HPX: variants seen among roughly 807,000 people sequenced by gnomAD.
HPX encodes the protein beta-1B-glycoprotein.
HPX carries 42 observed loss-of-function variants against 53.8 expected under a neutral mutation model. That is an observed-to-expected ratio of 0.78 (90% CI 0.61 to 1.01). HPX has a LOEUF of 1.01. Among genes scored for constraint, HPX ranks in the 50% least tolerant of loss-of-function variants. The pLI is 0.00. For synonymous variants in HPX, 229 were observed against 221.1 expected, an observed-to-expected ratio of 1.04 and a Z score of -0.32; for missense variants, 547 against 594.3, an observed-to-expected ratio of 0.92 and a Z score of 0.83.
rs1590803040 is a variant in HPX at position 6,431,953 on chromosome 11, C to G, written c.900G>C (p.Gln300His). 1.9e-6 allele frequency: 3 copies of G among 1,614,206 alleles called. No individual in the cohort carries two copies. The South Asian group carries it at 3.3e-5, about 18-fold the overall frequency. The stretch of plus-strand genomic sequence containing the variant: ...CCACTGCTGAAGGACCCTGGGGCCA[C>G]TGATGAGCAATGGGCCAGCTATGCC... ...DGWHSWPIAH[Q>H]WPQGPSAVDA... is the part of the protein sequence containing the mutation. Residue 300 changes from glutamine (Q) to histidine (H), a missense_variant, in exon 8 of 10, where the codon CAG (glutamine) becomes CAC (histidine). Gln to His is a conservative substitution (Grantham distance 24). Transcript: ENST00000265983.
At chr11:6,436,448 G>A (rs1291226812) in intron 7 of HPX, among the ~76,000 whole-genome samples, 1 of 152,162 alleles carries the variant, frequency 6.6e-6, no homozygotes, top group Non-Finnish European at 1.5e-5. Context: ...ACGGGTCAAG[G>A]GAGGGGTATC....
intron 5 of HPX, 112 bp from the exon 6 acceptor site, chr11:6,437,764 A>G: frequency 1.3e-6 from 1 of 762,486 alleles, no homozygotes; most frequent in Admixed American, 2.1e-5. Flanking sequence ...TGGAGCTCAC[A>G]GCCATCAGAG....
rs1006029203 is a variant in HPX at position 6,431,571 on chromosome 11, C to T, written c.1129+70G>A. ...GATCCTGACCTAGGCCTTCTCATGCCCTGGTGGGGATCTATGCCACAGACA... is the reference window on the plus strand; with the variant it reads ...GATCCTGACCTAGGCCTTCTCATGCTCTGGTGGGGATCTATGCCACAGACA... On this transcript the variant is annotated intron_variant, in intron 9 of 9. Transcript: ENST00000265983. The T allele has an allele frequency of 7.5e-6, 12 of 1,607,170 alleles. No homozygotes were observed. In the South Asian group the frequency reaches 1.2e-4, roughly 16 times the overall value.
At position 6,437,660 on chromosome 11, in the gene HPX, C is replaced by T. The variant is rs1423736808; in HGVS notation, c.491-8G>A. ...AGAACCACTCGCGGTCACCTTTGTC[C>T]AATCAATCAACAGGCATTTGGTGAG... On this transcript the variant is annotated splice_polypyrimidine_tract_variant and splice_region_variant and intron_variant, in intron 5 of 9. Coordinates refer to ENST00000265983, the MANE Select transcript of HPX (RefSeq NM_000613.3). 1.2e-6 allele frequency: 2 copies of T among 1,612,622 alleles called. No individual in the cohort carries two copies. Among genetic ancestry groups the T allele is most frequent in the African/African-American group, 2.7e-5 (2 of 75,024 alleles).
rs376910405 is a variant in HPX, at chr11:6,437,652, C to A, written c.491G>T (p.Gly164Val). The change falls in exon 6 of 10, where the codon GGT (glycine) becomes GTT (valine). Residue 164 changes from glycine (G) to valine (V), a missense_variant and splice_region_variant. Transcript: ENST00000265983. ...CAAGTCCCAGAACCACTCGCGGTCA[C>A]CTTTGTCCAATCAATCAACAGGCAT... Reference protein sequence around the residue: ...CQAEGVLFFQGDREWFWDLAT... With the variant: ...CQAEGVLFFQVDREWFWDLAT... 5 of 1,613,586 alleles carry A rather than the reference C, an allele frequency of 3.1e-6. No homozygotes were observed. In the African/African-American group the frequency reaches 6.7e-5, roughly 22 times the overall value.
rs1849432576 is a variant in HPX, at chr11:6,437,608, CCTT to C, written c.532_534del (p.Lys178del). 1.2e-6 allele frequency: 2 copies of C among 1,614,082 alleles called. No homozygotes were observed. The highest frequency in any genetic ancestry group is 2.7e-5 in the African/African-American group (2 of 74,928). Reference sequence around the variant, plus strand: ...TTCCCAACAGCTGGCCAGGAACGCTCCTTCATGGTTCCCGTAGCCAAGTCCCAG... The same window carrying C: ...TTCCCAACAGCTGGCCAGGAACGCTCCATGGTTCCCGTAGCCAAGTCCCAG... On this transcript the variant is annotated inframe_deletion, in exon 6 of 10. Coordinates refer to ENST00000265983, the MANE Select transcript of HPX (RefSeq NM_000613.3).
At chr11:6,433,140 G>A (rs543946032) in intron 7 of HPX, among the ~76,000 whole-genome samples, 43 of 152,310 alleles carry the variant, frequency 2.8e-4, no homozygotes, top group African/African-American at 9.6e-4. Context: ...CATTCTTGAA[G>A]CCTCTTTTCC....
intron 7 of HPX, among the ~76,000 whole-genome samples, chr11:6,432,649 C>T (rs1849365102): frequency 6.6e-6 from 1 of 152,182 alleles, no homozygotes; most frequent in Non-Finnish European, 1.5e-5. Flanking sequence ...ATTCTCTGTT[C>T]TCATCTGACC....
intron 6 of HPX, 46 bp downstream of exon 6, chr11:6,437,394 A>G: frequency 2.6e-6 from 4 of 1,538,980 alleles, no homozygotes; most frequent in Non-Finnish European, 3.6e-6. Context: ...AAGCTCAGGG[A>G]AAGTGGATGA....
chr11:6,438,459 T>G lies in HPX; in HGVS notation c.387A>C (p.Pro129=). 6.2e-7 allele frequency: 1 copy of G among 1,614,160 alleles called. No homozygotes were observed. The highest frequency in any genetic ancestry group is 8.5e-7 in the Non-Finnish European group (1 of 1,179,960). ...YPPEKKEKGY[P]KLLQDEFPGI... ...CAGGAAATTCATCTTGGAGCAACTT[T>G]GGGTATCCTTTCTCCTTCTTTTCAG... The change falls in exon 5 of 10, where the codon CCA becomes CCC. Residue 129 remains proline (P), a synonymous_variant. Transcript: ENST00000265983.
Position 6,431,352 on chromosome 11 carries a change from G to A in HPX, c.1248C>T (p.Asn416=). The part of the protein sequence containing the change: ...ALCMEKSLGP[N]SCSANGPGLY... ...AGCCGGGACCATTGGCGGAACATGA[G>A]TTAGGGCCAAGGGACTTTTCCATAC... The change falls in exon 10 of 10, where the codon AAC becomes AAT. Residue 416 remains asparagine, a synonymous_variant. Coordinates refer to ENST00000265983, the MANE Select transcript of HPX (RefSeq NM_000613.3). 6.2e-7 allele frequency: 1 copy of A among 1,614,270 alleles called. No homozygotes were observed. The highest frequency in any genetic ancestry group is 8.5e-7 in the Non-Finnish European group (1 of 1,180,052).
At chr11:6,440,567 T>TGA in intron 2 of HPX, 29 bp from the exon 3 acceptor site, 1 of 589,000 alleles carries the variant, frequency 1.7e-6, no homozygotes. Context: ...GATGGCAAAG[T>TGA]AAAAAAAAAA....
rs140762137 is a variant in HPX, at chr11:6,431,879, A to G, written c.966+8T>C. The G allele has an allele frequency of 1.0e-4, 167 of 1,614,066 alleles. No homozygotes were observed. Among genetic ancestry groups the G allele is most frequent in the Middle Eastern group, 5.0e-4 (3 of 6,060 alleles). On this transcript the variant is annotated splice_region_variant and intron_variant, in intron 8 of 9. Transcript: ENST00000265983. ...GTCTCTACCTCAAGCCTCTCCCCCAATACACACCTGGACCAGATAGAGTTT... is the reference window on the plus strand; with the variant it reads ...GTCTCTACCTCAAGCCTCTCCCCCAGTACACACCTGGACCAGATAGAGTTT...
chr11:6,438,081 T>G, intron 5 of HPX: 1 of 526,664 alleles, frequency 1.9e-6, no homozygotes, highest in South Asian at 2.6e-5. Context: ...ATGGAGAGAC[T>G]TGTATGTAAG....
At chr11:6,435,018 C>T (rs1849397093) in intron 7 of HPX, among the ~76,000 whole-genome samples, 1 of 152,048 alleles carries the variant, frequency 6.6e-6, no homozygotes, top group African/African-American at 2.4e-5. Context: ...CACCTGAGGT[C>T]AGGAGTTCGA....
intron 5 of HPX, 129 bp downstream of exon 5, chr11:6,438,227 T>C (rs1394657431): frequency 1.1e-6 from 1 of 948,502 alleles, no homozygotes; most frequent in Admixed American, 2.2e-5. Flanking sequence ...ACGTGGCTTC[T>C]CTATTTCCCT....
At chr11:6,439,899 A>G (rs1043522463) in intron 4 of HPX, 2 of 475,582 alleles carry the variant, frequency 4.2e-6, no homozygotes, top group South Asian at 2.1e-5. Flanking sequence ...ATTGCCAGAG[A>G]AAAAAAGGAT....
intron 7 of HPX, among the ~76,000 whole-genome samples, chr11:6,435,396 T>C (rs1379908995): frequency 6.7e-6 from 1 of 150,276 alleles, no homozygotes; most frequent in Non-Finnish European, 1.5e-5. Context: ...AAATAGTGCA[T>C]TCTCACCTCA....
intron 5 of HPX, 107 bp downstream of exon 5, chr11:6,438,248 GC>G (rs1395275768): frequency 1.7e-6 from 2 of 1,172,452 alleles, no homozygotes; most frequent in Non-Finnish European, 2.5e-6. Flanking sequence ...TCCTTAAAAA[GC>G]CACATAGTGG....
Sources: gnomAD v4.1 joint callset for allele counts (sites outside exome capture counted in the v4.1 genomes callset) on GRCh38, gnomAD v4.1.1 for gene constraint, MANE v1.5 for transcripts, NCBI Gene and HGNC (gene_info 2026-07-23, HGNC 2026-07-21) for gene names.